DOCK4: variants seen among roughly 807,000 people sequenced by gnomAD.
DOCK4 encodes the protein dedicator of cytokinesis protein 4.
A neutral mutation model predicts 268.1 loss-of-function variants in DOCK4; 97 were observed. The ratio of observed to expected loss-of-function variants is 0.36; its 90% confidence interval spans 0.31 to 0.43. The LOEUF (loss-of-function observed/expected upper bound fraction) is 0.43. DOCK4 is among the 20% of genes least tolerant of loss of function. The pLI is 1.00. For missense variants in DOCK4, 2,145 were observed against 2,455.7 expected (o/e 0.87, Z 2.67); for synonymous variants, 954 against 887.2 (o/e 1.08, Z -1.34).
chr7:112,055,941 G>A (rs1247167487), intron 1 of DOCK4, among the ~76,000 whole-genome samples: 1 of 151,902 alleles, frequency 6.6e-6, no homozygotes, highest in Non-Finnish European at 1.5e-5. Context: ...TAAAGAAAGG[G>A]AAGAAATGTA....
At chr7:111,817,425 G>T (rs1801640143) in intron 27 of DOCK4, among the ~76,000 whole-genome samples, 1 of 151,264 alleles carries the variant, frequency 6.6e-6, no homozygotes, top group African/African-American at 2.4e-5. Flanking sequence ...CTGTTATTAT[G>T]GATAAACTGT....
At chr7:111,849,710 C>T (rs1804396627) in intron 23 of DOCK4, among the ~76,000 whole-genome samples, 1 of 152,166 alleles carries the variant, frequency 6.6e-6, no homozygotes, top group African/African-American at 2.4e-5. Flanking sequence ...AGCATCACTG[C>T]AGGATGGGGA....
In DOCK4 at chr7:112,110,453, A is replaced by G. The variant is rs559330038; in HGVS notation, c.37+95649T>C. 4.6e-5 allele frequency among the ~76,000 whole-genome samples: 7 copies of G among 152,282 alleles called. No individual in the cohort carries two copies. The East Asian group carries it at 1.4e-3, about 29-fold the overall frequency. ...CATGACTAGGTATGCCAAAAAACCA[A>G]ATGGGATAGAATACACTTAAATGTT... On this transcript the variant is annotated intron_variant, in intron 1 of 52. Coordinates refer to ENST00000428084, the MANE Select transcript of DOCK4 (RefSeq NM_001363540.2).
rs1810079931 is a variant in DOCK4, at chr7:112,095,856, C to T, written c.38-91725G>A. On this transcript the variant is annotated intron_variant, in intron 1 of 52. Coordinates refer to ENST00000428084, the MANE Select transcript of DOCK4 (RefSeq NM_001363540.2). ...CAGCATTTTGGGAGGCTGAGGCAGG[C>T]AGATCTCCTGAGGTCCAGAGTTTGA... 2.0e-5 allele frequency among the ~76,000 whole-genome samples: 3 copies of T among 152,186 alleles called. No individual in the cohort carries two copies. In the South Asian group the frequency reaches 6.2e-4, roughly 32 times the overall value.
At chr7:111,837,380 A>G (rs1803316265) in intron 25 of DOCK4, among the ~76,000 whole-genome samples, 1 of 152,242 alleles carries the variant, frequency 6.6e-6, no homozygotes, top group African/African-American at 2.4e-5. Context: ...ACCTCTATTC[A>G]ACATTGTACT....
chr7:112,034,461 T>C (rs1431524970), intron 1 of DOCK4, among the ~76,000 whole-genome samples: 2 of 152,138 alleles, frequency 1.3e-5, no homozygotes, highest in African/African-American at 2.4e-5. Flanking sequence ...TGAATTGGAA[T>C]TGAAAGTTAT....
At chr7:111,814,004 C>A (rs1801347809) in intron 27 of DOCK4, among the ~76,000 whole-genome samples, 1 of 152,156 alleles carries the variant, frequency 6.6e-6, no homozygotes, top group African/African-American at 2.4e-5. Flanking sequence ...TACACACAGT[C>A]CCACTACACC....
At chr7:112,023,863 C>T (rs1257418342) in intron 1 of DOCK4, among the ~76,000 whole-genome samples, 3 of 152,200 alleles carry the variant, frequency 2.0e-5, no homozygotes, top group Non-Finnish European at 4.4e-5. Flanking sequence ...TATATTCTAG[C>T]TCTTTTCATG....
At chr7:112,192,849 C>A (rs1048170083) in intron 1 of DOCK4, among the ~76,000 whole-genome samples, 2 of 151,928 alleles carry the variant, frequency 1.3e-5, no homozygotes, top group Non-Finnish European at 2.9e-5. Context: ...GTAAAATATG[C>A]CCTTATGCTT....
chr7:112,127,045 C>G (rs1375833967), intron 1 of DOCK4, among the ~76,000 whole-genome samples: 1 of 151,910 alleles, frequency 6.6e-6, no homozygotes. Flanking sequence ...TTTGACCCAG[C>G]CATCCCATTA....
chr7:111,947,818 G>A (rs930210776), intron 8 of DOCK4, among the ~76,000 whole-genome samples: 1 of 152,070 alleles, frequency 6.6e-6, no homozygotes, highest in Non-Finnish European at 1.5e-5. Flanking sequence ...CTGCCTCCCG[G>A]GTTCAAGCGA....
At chr7:112,076,388 T>C (rs1291573032) in intron 1 of DOCK4, among the ~76,000 whole-genome samples, 1 of 152,060 alleles carries the variant, frequency 6.6e-6, no homozygotes, top group Non-Finnish European at 1.5e-5. Flanking sequence ...GCAAAAAATG[T>C]TAAATTTTTT....
chr7:111,923,752 G>T (rs1286654345), intron 12 of DOCK4, among the ~76,000 whole-genome samples: 1 of 152,004 alleles, frequency 6.6e-6, no homozygotes, highest in East Asian at 1.9e-4. Context: ...GATGTATGCT[G>T]GTCTTTTCAT....
At chr7:112,156,191 A>G (rs374446315) in intron 1 of DOCK4, among the ~76,000 whole-genome samples, 47 of 152,278 alleles carry the variant, frequency 3.1e-4, no homozygotes, top group African/African-American at 1.1e-3. Flanking sequence ...CTCAACACCA[A>G]ACTCTCAGGA....
intron 23 of DOCK4, chr7:111,863,122 A>T: frequency 2.2e-6 from 1 of 465,018 alleles, no homozygotes; most frequent in Non-Finnish European, 3.9e-6. Flanking sequence ...GCATCTCTGA[A>T]GGAGTGTTAA....
At position 111,927,728 on chromosome 7, in the gene DOCK4, A is replaced by C. The variant is rs539083937; in HGVS notation, c.1066+7812T>G. ...CAAAGGAATCCATGGGCTGCAAACC[A>C]TTTAAAAAATGTGTATAGAGCATAG... On this transcript the variant is annotated intron_variant, in intron 12 of 52. Coordinates refer to ENST00000428084, the MANE Select transcript of DOCK4 (RefSeq NM_001363540.2). 2.1e-4 allele frequency among the ~76,000 whole-genome samples: 32 copies of C among 152,300 alleles called. No homozygotes were observed. The South Asian group carries it at 6.0e-3, about 29-fold the overall frequency.
chr7:111,971,749 C>T, intron 8 of DOCK4: 1 of 305,078 alleles, frequency 3.3e-6, no homozygotes, highest in South Asian at 3.9e-5. Flanking sequence ...TTTGGTGGTC[C>T]AAGGCCTGAA....
intron 23 of DOCK4, among the ~76,000 whole-genome samples, chr7:111,861,711 A>T (rs1805534570): frequency 6.7e-6 from 1 of 149,536 alleles, no homozygotes; most frequent in Non-Finnish European, 1.5e-5. Flanking sequence ...ATGCCACTGC[A>T]CTCCAGCCTG....
In DOCK4 at chr7:111,739,235, A is replaced by G. The variant is rs1012345100; in HGVS notation, c.5131T>C (p.Leu1711=). The part of the protein sequence containing the change: ...SAPSSARASP[L]LSDKHKHSRE... ...GAATGTTTGTGTTTGTCAGACAACA[A>G]AGGAGAAGCTGGGAAGAGAAGGAGA... Residue 1711 remains leucine (L), a synonymous_variant, in exon 49 of 53, where the codon TTG becomes CTG. Coordinates refer to ENST00000428084, the MANE Select transcript of DOCK4 (RefSeq NM_001363540.2). 5 of 1,613,700 alleles carry G rather than the reference A, an allele frequency of 3.1e-6. No homozygotes were observed. In the African/African-American group the frequency reaches 5.3e-5, roughly 17 times the overall value.
Sources: gnomAD v4.1 joint callset for allele counts (sites outside exome capture counted in the v4.1 genomes callset) on GRCh38, gnomAD v4.1.1 for gene constraint, MANE v1.5 for transcripts, NCBI Gene and HGNC (gene_info 2026-07-23, HGNC 2026-07-21) for gene names.